The following SATB2 variants were observed in gnomAD, a reference collection of about 807,000 sequenced individuals.
SATB2 encodes the protein DNA-binding protein SATB2.
Under a neutral mutation model 73.4 loss-of-function variants are expected in SATB2, and 1 was observed. The observed-to-expected ratio is 0.01, with a 90% CI of 0.00 to 0.06. The LOEUF is 0.06. Ranked by LOEUF, SATB2 falls within the 10% of genes least tolerant of loss-of-function variation. SATB2 has a pLI of 1.00. For synonymous variants in SATB2, 397 were observed against 367.0 expected (o/e 1.08, Z -0.93); for missense variants, 459 against 945.8 (o/e 0.49, Z 6.75).
intron 10 of SATB2, among the ~76,000 whole-genome samples, chr2:199,275,337 T>C (rs777028867): frequency 6.6e-6 from 1 of 152,120 alleles, no homozygotes; most frequent in Non-Finnish European, 1.5e-5. Context: ...TAGTAATACA[T>C]ATGTACAGAG....
chr2:199,379,585 T>C (rs1414742376), intron 5 of SATB2, among the ~76,000 whole-genome samples: 2 of 152,180 alleles, frequency 1.3e-5, no homozygotes, highest in Non-Finnish European at 2.9e-5. Context: ...AGCTCCTGTT[T>C]CTTGATCTAT....
chr2:199,453,208 A>G (rs1454473734), intron 2 of SATB2, among the ~76,000 whole-genome samples: 2 of 152,280 alleles, frequency 1.3e-5, no homozygotes, highest in East Asian at 3.9e-4. Context: ...AAACAGTAAG[A>G]TAAATTGCTA....
chr2:199,384,992 T>G (rs543677730), intron 3 of SATB2, among the ~76,000 whole-genome samples: 2 of 152,324 alleles, frequency 1.3e-5, no homozygotes, highest in South Asian at 4.1e-4. Context: ...ACTTTTGTTT[T>G]AAATCACAAA....
chr2:199,349,184 A>G lies in SATB2; in HGVS notation c.701-11T>C. 2 of 1,561,092 alleles carry G rather than the reference A, an allele frequency of 1.3e-6. No homozygotes were observed. Among genetic ancestry groups the G allele is most frequent in the South Asian group, 2.3e-5 (2 of 88,888 alleles). ...GTTCCACTCTTTCCACTGTTAAGAG[A>G]TAAAAGTGATAATTAATCATTATTT... is the stretch of plus-strand genomic sequence containing the variant. On this transcript the variant is annotated splice_polypyrimidine_tract_variant and intron_variant, in intron 6 of 10. Coordinates refer to ENST00000417098, the MANE Select transcript of SATB2 (RefSeq NM_001172509.2).
intron 2 of SATB2, among the ~76,000 whole-genome samples, chr2:199,443,021 A>T (rs1213067478): frequency 2.2e-5 from 3 of 133,562 alleles, no homozygotes; most frequent in Admixed American, 7.7e-5. Flanking sequence ...GTTTCTGAGA[A>T]TTTTTTTTTT....
chr2:199,389,543 A>C (rs1019973636), intron 3 of SATB2, among the ~76,000 whole-genome samples: 1 of 152,210 alleles, frequency 6.6e-6, no homozygotes, highest in Non-Finnish European at 1.5e-5. Context: ...AATGATTCAA[A>C]ATAAACACTG....
intron 3 of SATB2, among the ~76,000 whole-genome samples, chr2:199,415,495 A>C (rs1339384625): frequency 6.6e-6 from 1 of 152,220 alleles, no homozygotes; most frequent in Non-Finnish European, 1.5e-5. Context: ...TTGCTATAAG[A>C]AGAATTTAAT....
chr2:199,399,969 A>T (rs1246741457), intron 3 of SATB2, among the ~76,000 whole-genome samples: 5 of 152,222 alleles, frequency 3.3e-5, no homozygotes, highest in African/African-American at 9.6e-5. Context: ...GCCTAAGGTT[A>T]CAAGGATGTT....
chr2:199,456,975 T>TGGGGG, intron 1 of SATB2, among the ~76,000 whole-genome samples: 1 of 123,868 alleles, frequency 8.1e-6, no homozygotes, highest in African/African-American at 3.3e-5. Flanking sequence ...ATTGGGGGGG[T>TGGGGG]GGGGGGGGGC....
At chr2:199,390,852 T>C (rs1197296441) in intron 3 of SATB2, among the ~76,000 whole-genome samples, 1 of 152,184 alleles carries the variant, frequency 6.6e-6, no homozygotes, top group East Asian at 1.9e-4. Flanking sequence ...CAGTTATATA[T>C]TCTAGAATTG....
chr2:199,334,533 C>T lies in SATB2; in HGVS notation c.1174-5623G>A, dbSNP rs529809398. ...ATGGGCCAACCATCCACCCTGCCCCCGGATAACCTATCACGTTTCCCTTGA... is the reference window on the plus strand; with the variant it reads ...ATGGGCCAACCATCCACCCTGCCCCTGGATAACCTATCACGTTTCCCTTGA... On this transcript the variant is annotated intron_variant, in intron 7 of 10. Coordinates refer to ENST00000417098, the MANE Select transcript of SATB2 (RefSeq NM_001172509.2). Among the ~76,000 whole-genome samples the T allele has an allele frequency of 2.2e-3, 328 of 152,116 alleles. 3 individuals carry two copies. Among genetic ancestry groups the T allele is most frequent in the African/African-American group, 7.3e-3 (303 of 41,488 alleles).
At chr2:199,412,498 A>G (rs1266369190) in intron 3 of SATB2, among the ~76,000 whole-genome samples, 1 of 152,230 alleles carries the variant, frequency 6.6e-6, no homozygotes, top group Non-Finnish European at 1.5e-5. Context: ...CTGAATGCAC[A>G]GCACACAAAG....
chr2:199,277,444 A>G (rs1053926815), intron 10 of SATB2, among the ~76,000 whole-genome samples: 3 of 152,200 alleles, frequency 2.0e-5, no homozygotes, highest in Non-Finnish European at 4.4e-5. Flanking sequence ...GGAATATTTA[A>G]TTCTGTAAGG....
chr2:199,282,329 G>A (rs1242158863), intron 10 of SATB2, among the ~76,000 whole-genome samples: 2 of 152,072 alleles, frequency 1.3e-5, no homozygotes, highest in South Asian at 2.1e-4. Flanking sequence ...TATCTAGTGT[G>A]TATCTGAGAG....
chr2:199,466,641 G>A (rs979803943), upstream of SATB2, among the ~76,000 whole-genome samples: 2 of 152,182 alleles, frequency 1.3e-5, no homozygotes, highest in Non-Finnish European at 2.9e-5. Flanking sequence ...TGGTCTCTCC[G>A]GCTCCCTGCT....
chr2:199,277,307 C>A (rs967180120), intron 10 of SATB2, among the ~76,000 whole-genome samples: 1 of 152,112 alleles, frequency 6.6e-6, no homozygotes, highest in African/African-American at 2.4e-5. Flanking sequence ...CAATTAAAAT[C>A]TGTGCATTTT....
intron 5 of SATB2, 110 bp downstream of exon 5, chr2:199,380,254 T>C (rs1689730026): frequency 7.4e-6 from 10 of 1,356,832 alleles, no homozygotes; most frequent in Non-Finnish European, 9.5e-6. Flanking sequence ...GCAGTTTAAG[T>C]CTATAAATAA....
intron 9 of SATB2, among the ~76,000 whole-genome samples, chr2:199,318,468 A>G (rs919042258): frequency 6.6e-6 from 1 of 152,118 alleles, no homozygotes; most frequent in Admixed American, 6.5e-5. Context: ...AAAAAATTAT[A>G]GTTTTAACTT....
intron 3 of SATB2, among the ~76,000 whole-genome samples, chr2:199,426,540 A>G (rs1054707751): frequency 1.3e-5 from 2 of 151,684 alleles, no homozygotes; most frequent in Non-Finnish European, 2.9e-5. Context: ...CAGGTGCTCC[A>G]CCCGCCTTGG....
Sources: gnomAD v4.1 joint callset for allele counts (sites outside exome capture counted in the v4.1 genomes callset) on GRCh38, gnomAD v4.1.1 for gene constraint, MANE v1.5 for transcripts, NCBI Gene and HGNC (gene_info 2026-07-23, HGNC 2026-07-21) for gene names.